The following RPS6KA5 variants were observed in gnomAD, a reference collection of about 807,000 sequenced individuals.
RPS6KA5 encodes the protein ribosomal protein S6 kinase alpha-5.
A neutral mutation model predicts 85.5 loss-of-function variants in RPS6KA5; 27 were observed. The ratio of observed to expected loss-of-function variants is 0.32; its 90% CI spans 0.23 to 0.44. The LOEUF is 0.44. Among genes scored for constraint, RPS6KA5 ranks in the 20% least tolerant of loss-of-function variants. RPS6KA5 has a pLI of 1.00. For synonymous variants in RPS6KA5, 334 were observed against 348.2 expected, an observed-to-expected ratio of 0.96 and a Z score of 0.46; for missense variants, 811 against 980.9, an observed-to-expected ratio of 0.83 and a Z score of 2.31.
At chr14:90,991,839 T>C (rs930641092) in intron 2 of RPS6KA5, among the ~76,000 whole-genome samples, 5 of 151,932 alleles carry the variant, frequency 3.3e-5, no homozygotes, top group African/African-American at 1.2e-4. Flanking sequence ...GGAAACCAGA[T>C]AGTTCAAGAG....
chr14:90,969,000 G>T (rs1402819432), intron 3 of RPS6KA5, among the ~76,000 whole-genome samples: 1 of 152,132 alleles, frequency 6.6e-6, no homozygotes, highest in Admixed American at 6.6e-5. Context: ...GTAGCAAGTA[G>T]ATTTCACTTT....
At chr14:90,873,910 T>G in intron 15 of RPS6KA5, 115 bp from the exon 16 acceptor site, 4 of 771,020 alleles carry the variant, frequency 5.2e-6, no homozygotes, top group Non-Finnish European at 6.1e-6. Context: ...TATATAGCTT[T>G]AACCTCCTAC....
chr14:90,876,380 TTTTA>T (rs1947713288), intron 14 of RPS6KA5, among the ~76,000 whole-genome samples: 1 of 152,222 alleles, frequency 6.6e-6, no homozygotes, highest in South Asian at 2.1e-4. Context: ...CCTGTTTTTA[TTTTA>T]TTTTTCTCAC....
intron 3 of RPS6KA5, among the ~76,000 whole-genome samples, chr14:90,973,309 G>A (rs900307911): frequency 6.6e-6 from 1 of 152,026 alleles, no homozygotes; most frequent in African/African-American, 2.4e-5. Flanking sequence ...CAGGTGTGGT[G>A]GCATGCATCT....
At chr14:90,989,191 TAACAACATTG>T (rs2040197384) in intron 2 of RPS6KA5, among the ~76,000 whole-genome samples, 2 of 152,194 alleles carry the variant, frequency 1.3e-5, no homozygotes, top group African/African-American at 4.8e-5. Context: ...ATTAAACTTA[TAACAACATTG>T]TGAGATAGGT....
At chr14:91,057,881 C>G (rs755954851) in intron 1 of RPS6KA5, among the ~76,000 whole-genome samples, 2 of 152,202 alleles carry the variant, frequency 1.3e-5, no homozygotes, top group Non-Finnish European at 2.9e-5. Context: ...GGTGAAGTGA[C>G]TTGCCGATGT....
At chr14:90,902,290 G>C (rs966062714) in intron 9 of RPS6KA5, among the ~76,000 whole-genome samples, 1 of 152,102 alleles carries the variant, frequency 6.6e-6, no homozygotes, top group Admixed American at 6.6e-5. Context: ...TTCAAGACCA[G>C]CTTAGGCAAC....
Position 90,862,456 on chromosome 14 carries a change from CT to C in RPS6KA5, c.*9617del, listed in dbSNP as rs754505139. 0.064 allele frequency: 6,262 copies of C among 98,490 alleles called. 172 individuals are homozygous for C. The highest frequency in any genetic ancestry group is 0.1 in the Middle Eastern group (20 of 200). The allele number at this position is 98,490 out of a possible 1,614,324, so 6.1% of individuals were successfully genotyped here. On this transcript the variant is annotated 3_prime_UTR_variant, in exon 17 of 17. Transcript: ENST00000614987. ...CTTCCTCCTCCTCCTCCTCCTCCTC[CT>C]TCTTCTTCTTCTTCTTCTTCTTTTT... is the stretch of plus-strand genomic sequence containing the variant.
At chr14:90,923,599 G>A (rs1230089774) in intron 5 of RPS6KA5, among the ~76,000 whole-genome samples, 1 of 152,054 alleles carries the variant, frequency 6.6e-6, no homozygotes, top group Non-Finnish European at 1.5e-5. Flanking sequence ...TAACACATTA[G>A]TATGAATGAC....
chr14:91,055,820 C>T (rs965185768), intron 1 of RPS6KA5, among the ~76,000 whole-genome samples: 1 of 152,334 alleles, frequency 6.6e-6, no homozygotes, highest in Non-Finnish European at 1.5e-5. Context: ...TTCCACCTCG[C>T]TGTCTCTCAG....
In RPS6KA5 at chr14:90,962,666, C is replaced by G. The variant is rs186660355; in HGVS notation, c.395-15116G>C. On this transcript the variant is annotated intron_variant, in intron 3 of 16. Transcript: ENST00000614987. ...CAGTATGAACCCTGGGCGGTTTTCT[C>G]GAAAAAAGTACTGTACCTTTAACGT... is the stretch of plus-strand genomic sequence containing the variant. Among the ~76,000 whole-genome samples, 59 of 151,508 alleles carry G rather than the reference C, an allele frequency of 3.9e-4. 1 individual carries two copies. The highest frequency in any genetic ancestry group is 1.3e-3 in the African/African-American group (54 of 41,298).
chr14:91,017,837 TG>T (rs2041570194), intron 1 of RPS6KA5, among the ~76,000 whole-genome samples: 1 of 152,224 alleles, frequency 6.6e-6, no homozygotes, highest in South Asian at 2.1e-4. Context: ...TCCACTGAAC[TG>T]GAAGTTAAGA....
At chr14:91,047,421 C>G (rs138463325) in intron 1 of RPS6KA5, among the ~76,000 whole-genome samples, 39 of 152,324 alleles carry the variant, frequency 2.6e-4, no homozygotes, top group African/African-American at 8.7e-4. Context: ...AGCAGCACAG[C>G]TAGCCTTGGT....
rs1397214950 is a variant in RPS6KA5, at chr14:90,861,430, G to A, written c.*10644C>T. On this transcript the variant is annotated 3_prime_UTR_variant, in exon 17 of 17. Coordinates refer to ENST00000614987, the MANE Select transcript of RPS6KA5 (RefSeq NM_004755.4). ...CCAGCTACTTGGGAGGCTGAGGCAGGAGAATGGCATGAACCCGGGAGGCGG... is the reference window on the plus strand; with the variant it reads ...CCAGCTACTTGGGAGGCTGAGGCAGAAGAATGGCATGAACCCGGGAGGCGG... 1.3e-5 allele frequency: 2 copies of A among 149,064 alleles called. No homozygotes were observed. Among genetic ancestry groups the A allele is most frequent in the Non-Finnish European group, 3.0e-5 (2 of 67,032 alleles). 9.2% of individuals were successfully genotyped at this position (149,064 alleles called of 1,614,324 possible). A position where few individuals can be genotyped will look rare whatever the true frequency, so the allele number is the denominator to read the frequency against.
intron 2 of RPS6KA5, among the ~76,000 whole-genome samples, chr14:90,981,277 GATA>G (rs1247393145): frequency 6.6e-6 from 1 of 151,994 alleles, no homozygotes; most frequent in East Asian, 1.9e-4. Context: ...TCTTCTATAA[GATA>G]ATCTTTTAAA....
rs188409576 is a variant in RPS6KA5, at chr14:90,883,808, C to T, written c.1836+6679G>A. On this transcript the variant is annotated intron_variant, in intron 14 of 16. Coordinates refer to ENST00000614987, the MANE Select transcript of RPS6KA5 (RefSeq NM_004755.4). ...TTTTTGTGTTTGTTTTTGTTTATTG[C>T]TTTTCGTTTTTTGATTGTTATAGGC... is the stretch of plus-strand genomic sequence containing the variant. 4.1e-3 allele frequency among the ~76,000 whole-genome samples: 631 copies of T among 152,200 alleles called. 1 individual carries two copies. The highest frequency in any genetic ancestry group is 0.01 in the Middle Eastern group (3 of 294).
chr14:90,851,754 G>C lies in RPS6KA5; in HGVS notation c.*20320C>G, dbSNP rs1420185458. On this transcript the variant is annotated 3_prime_UTR_variant, in exon 17 of 17. Coordinates refer to ENST00000614987, the MANE Select transcript of RPS6KA5 (RefSeq NM_004755.4). ...TAGAGGATGAAGGTATTTCTCTTTAGATACTGGTAGATATCATTAGTAAAA... is the reference window on the plus strand; with the variant it reads ...TAGAGGATGAAGGTATTTCTCTTTACATACTGGTAGATATCATTAGTAAAA... 1 of 152,142 alleles carries C rather than the reference G, an allele frequency of 6.6e-6. No homozygotes were observed. The highest frequency in any genetic ancestry group is 1.5e-5 in the Non-Finnish European group (1 of 68,038). The allele number at this position is 152,142 out of a possible 1,614,324, so 9.4% of individuals were successfully genotyped here.
intron 7 of RPS6KA5, among the ~76,000 whole-genome samples, chr14:90,909,248 T>C (rs1404208065): frequency 1.3e-5 from 2 of 152,214 alleles, no homozygotes; most frequent in African/African-American, 4.8e-5. Context: ...TTCTTGGGTG[T>C]TGCTGTCACT....
intron 1 of RPS6KA5, among the ~76,000 whole-genome samples, chr14:91,022,139 C>G (rs2041811892): frequency 6.6e-6 from 1 of 152,094 alleles, no homozygotes; most frequent in South Asian, 2.1e-4. Context: ...ATAAGGAATG[C>G]CTTATTCAGT....
Sources: allele counts gnomAD v4.1 joint callset (sites outside exome capture counted in the v4.1 genomes callset), GRCh38; gene constraint gnomAD v4.1.1; transcripts MANE v1.5; gene names NCBI Gene and HGNC (gene_info 2026-07-23, HGNC 2026-07-21).